The following KLC1 variants were observed in gnomAD, a reference collection of about 807,000 sequenced individuals.
The protein encoded by KLC1 is kinesin light chain 1.
KLC1 carries 30 observed loss-of-function variants against 84.2 expected under a neutral mutation model. That is an observed-to-expected ratio of 0.36 (90% confidence interval 0.27 to 0.48). The LOEUF (loss-of-function observed/expected upper bound fraction) is 0.48. KLC1 is among the 20% of genes least tolerant of loss of function. KLC1 has a pLI of 0.99. For synonymous variants in KLC1, 289 were observed against 293.3 expected (o/e 0.99, Z 0.15); for missense variants, 499 against 805.4 (o/e 0.62, Z 4.60).
At chr14:103,631,441 G>C (rs1399248631) in intron 1 of KLC1, among the ~76,000 whole-genome samples, 1 of 152,028 alleles carries the variant, frequency 6.6e-6, no homozygotes, top group East Asian at 1.9e-4. Context: ...TTGGAAAAAA[G>C]TCAATGTGTA....
intron 7 of KLC1, among the ~76,000 whole-genome samples, chr14:103,671,704 G>A (rs2080400964): frequency 6.6e-6 from 1 of 152,092 alleles, no homozygotes; most frequent in African/African-American, 2.4e-5. Flanking sequence ...TATTTTTTGT[G>A]ATTATTTATC....
At chr14:103,675,902 C>A (rs892473670) in intron 11 of KLC1, 146 bp downstream of exon 11, 2 of 644,246 alleles carry the variant, frequency 3.1e-6, no homozygotes, top group East Asian at 2.7e-5. Flanking sequence ...TTAAAAAAAC[C>A]CCACTAACCT....
chr14:103,672,722 T>G (rs2080513895), intron 7 of KLC1, among the ~76,000 whole-genome samples: 1 of 152,242 alleles, frequency 6.6e-6, no homozygotes. Context: ...TGTGTACATT[T>G]GTACATAGTA....
intron 1 of KLC1, among the ~76,000 whole-genome samples, chr14:103,640,152 C>A (rs1035309311): frequency 6.6e-6 from 1 of 152,210 alleles, no homozygotes; most frequent in South Asian, 2.1e-4. Context: ...ACTCCACTTT[C>A]CAGGTTCATG....
At chr14:103,677,966 C>T (rs1356924692) in intron 12 of KLC1, among the ~76,000 whole-genome samples, 1 of 95,252 alleles carries the variant, frequency 1.0e-5, no homozygotes, top group Non-Finnish European at 2.4e-5. Context: ...GACTCCGTCT[C>T]AATTTAAAAA....
chr14:103,670,548 G>GCTGGCCAAGA (rs2080286525), intron 7 of KLC1, among the ~76,000 whole-genome samples: 1 of 151,844 alleles, frequency 6.6e-6, no homozygotes, highest in African/African-American at 2.4e-5. Flanking sequence ...TGTTGGCCAG[G>GCTGGCCAAGA]ATGTTCTCAA....
chr14:103,696,329 ACT>A (rs1377418337), intron 15 of KLC1: 6 of 985,204 alleles, frequency 6.1e-6, no homozygotes, highest in Non-Finnish European at 7.2e-6. Flanking sequence ...GGCACGGGGC[ACT>A]CTCATGGGCA....
At position 103,669,607 on chromosome 14, in the gene KLC1, A is replaced by T; in HGVS notation, c.885+9A>T. 7.0e-7 allele frequency: 1 copy of T among 1,435,692 alleles called. No individual in the cohort carries two copies. Among genetic ancestry groups the T allele is most frequent in the Non-Finnish European group, 9.8e-7 (1 of 1,022,646 alleles). The allele number at this position is 1,435,692 out of a possible 1,614,324, so 88.9% of individuals were successfully genotyped here. ...GCAAAGATCATCCTGCGGTTTGTAT[A>T]TCCAGTTCTTTCATTCTTTTAATAT... is the stretch of plus-strand genomic sequence containing the variant. On this transcript the variant is annotated intron_variant, in intron 6 of 16. Coordinates refer to ENST00000334553, the MANE Select transcript of KLC1 (RefSeq NM_001394837.1).
intron 1 of KLC1, among the ~76,000 whole-genome samples, chr14:103,649,562 C>CAAAAA (rs35297746): frequency 1.5e-4 from 11 of 75,748 alleles, no homozygotes; most frequent in South Asian, 4.7e-4. Context: ...GACCTCATCT[C>CAAAAA]AAAAAAAAAA....
intron 15 of KLC1, chr14:103,698,955 C>CT: frequency 6.2e-7 from 1 of 1,601,150 alleles, no homozygotes; most frequent in Non-Finnish European, 8.5e-7. Flanking sequence ...AGCCAGCAGT[C>CT]TCACCAGGAG....
At position 103,673,502 on chromosome 14, in the gene KLC1, G is replaced by A. The variant is rs562637219; in HGVS notation, c.1261+71G>A. 5.4e-4 allele frequency: 501 copies of A among 935,676 alleles called. 1 individual carries two copies. Among genetic ancestry groups the A allele is most frequent in the South Asian group, 8.4e-4 (52 of 62,076 alleles). The allele number at this position is 935,676 out of a possible 1,614,324, so 58.0% of individuals were successfully genotyped here. A position where few individuals can be genotyped will look rare whatever the true frequency, so the allele number is the denominator to read the frequency against. ...CTTGACTAATAGTAATATACTAATA[G>A]TATTAGTTACTGTTTATTAAGCACT... On this transcript the variant is annotated intron_variant, in intron 9 of 16. Transcript: ENST00000334553.
intron 15 of KLC1, among the ~76,000 whole-genome samples, chr14:103,692,640 A>AT (rs2082187265): frequency 6.6e-6 from 1 of 152,262 alleles, no homozygotes; most frequent in Admixed American, 6.5e-5. Flanking sequence ...CACTGTGAAC[A>AT]TTCTCAGAAT....
At chr14:103,669,441 A>AG (rs1217013359) in intron 5 of KLC1, 70 bp from the exon 6 acceptor site, 8 of 923,082 alleles carry the variant, frequency 8.7e-6, no homozygotes, top group African/African-American at 1.7e-5. Flanking sequence ...CTAAAAAAAA[A>AG]GAAAAGAAAA....
rs1225529873 is a variant in KLC1 at position 103,657,876 on chromosome 14, T to TATTAGAAC, written c.492+111_492+118dup. ...GCCATATTCTTTTCATATTAGAACA[T>TATTAGAAC]ATTAGAACATTAGAACATGCAAAAA... On this transcript the variant is annotated intron_variant, in intron 3 of 16. Coordinates refer to ENST00000334553, the MANE Select transcript of KLC1 (RefSeq NM_001394837.1). 3.5e-6 allele frequency: 3 copies of TATTAGAAC among 849,756 alleles called. No individual in the cohort carries two copies. The African/African-American group carries it at 5.1e-5, about 14-fold the overall frequency. The allele number at this position is 849,756 out of a possible 1,614,324, so 52.6% of individuals were successfully genotyped here. A position where few individuals can be genotyped will look rare whatever the true frequency, so the allele number is the denominator to read the frequency against.
intron 3 of KLC1, 77 bp downstream of exon 3, chr14:103,657,853 C>G: frequency 2.8e-6 from 3 of 1,069,426 alleles, no homozygotes; most frequent in Non-Finnish European, 4.2e-6. Context: ...TTCTGTTTGC[C>G]ATATTCTTTT....
chr14:103,642,544 A>G (rs2077570982), intron 1 of KLC1, among the ~76,000 whole-genome samples: 1 of 152,156 alleles, frequency 6.6e-6, no homozygotes, highest in Non-Finnish European at 1.5e-5. Flanking sequence ...ATTGTACCAA[A>G]ACAAATCAGA....
chr14:103,671,191 T>A (rs1334383052), intron 7 of KLC1, among the ~76,000 whole-genome samples: 1 of 152,146 alleles, frequency 6.6e-6, no homozygotes, highest in Non-Finnish European at 1.5e-5. Flanking sequence ...AACTAAAGAT[T>A]AACTCAGAGC....
intron 5 of KLC1, among the ~76,000 whole-genome samples, chr14:103,665,186 T>C (rs889798753): frequency 2.6e-5 from 4 of 152,012 alleles, no homozygotes; most frequent in Admixed American, 2.6e-4. Context: ...AATATTTTAC[T>C]GATCTTTATA....
rs143921176 is a variant in KLC1 at position 103,638,925 on chromosome 14, G to A, written c.-2+9431G>A. 1.5e-3 allele frequency among the ~76,000 whole-genome samples: 225 copies of A among 152,176 alleles called. 1 individual carries two copies. The highest frequency in any genetic ancestry group is 5.2e-3 in the African/African-American group (215 of 41,536). Reference sequence around the variant, plus strand: ...GGTGTGTGTGTGTGTGTGCGTGCATGCAGAGTGGTAGGGTTCCTGAAGCAG... The same window carrying A: ...GGTGTGTGTGTGTGTGTGCGTGCATACAGAGTGGTAGGGTTCCTGAAGCAG... On this transcript the variant is annotated intron_variant, in intron 1 of 16. Transcript: ENST00000334553.
Sources: allele counts gnomAD v4.1 joint callset (sites outside exome capture counted in the v4.1 genomes callset), GRCh38; gene constraint gnomAD v4.1.1; transcripts MANE v1.5; gene names NCBI Gene and HGNC (gene_info 2026-07-23, HGNC 2026-07-21).